The following SEL1L2 variants were observed in gnomAD, a reference collection of about 807,000 sequenced individuals.
The protein encoded by SEL1L2 is SEL1L2 adaptor subunit of SYVN1 ubiquitin ligase.
In SEL1L2, 89 loss-of-function variants were observed where a neutral mutation model predicts 98.8. That is an observed-to-expected ratio of 0.90 (90% CI 0.76 to 1.07). SEL1L2 has a LOEUF of 1.07. Among genes scored for constraint, SEL1L2 ranks in the 50% least tolerant of loss-of-function variants. The pLI, the probability that SEL1L2 is intolerant of heterozygous loss-of-function variation, is 0.00. For missense variants in SEL1L2, 788 were observed against 812.0 expected (o/e 0.97, Z 0.36); for synonymous variants, 262 against 278.5 (o/e 0.94, Z 0.59).
At chr20:13,935,963 G>A (rs192240564) in intron 2 of SEL1L2, among the ~76,000 whole-genome samples, 102 of 152,252 alleles carry the variant, frequency 6.7e-4, no homozygotes, top group African/African-American at 2.3e-3. Flanking sequence ...ATTTTCTGTT[G>A]AAGGGCTTAT....
intron 3 of SEL1L2, among the ~76,000 whole-genome samples, chr20:13,930,959 C>T (rs754514437): frequency 6.6e-6 from 1 of 151,906 alleles, no homozygotes; most frequent in African/African-American, 2.4e-5. Flanking sequence ...AGCAAGCCCT[C>T]GTCTCTACTA....
chr20:13,882,125 TAAAAA>T (rs1195105694), intron 10 of SEL1L2, among the ~76,000 whole-genome samples: 68 of 151,624 alleles, frequency 4.5e-4, no homozygotes, highest in Non-Finnish European at 2.1e-4. Context: ...AAAAAGAAAA[TAAAAA>T]GAAAAGAAAA....
intron 2 of SEL1L2, among the ~76,000 whole-genome samples, chr20:13,947,318 A>G (rs547668037): frequency 9.7e-4 from 148 of 152,084 alleles, no homozygotes; most frequent in Non-Finnish European, 4.9e-4. Flanking sequence ...CCCATTCCAT[A>G]TCTCCTCTCC....
chr20:13,886,978 C>T (rs2046984426), intron 8 of SEL1L2, among the ~76,000 whole-genome samples: 1 of 152,048 alleles, frequency 6.6e-6, no homozygotes, highest in African/African-American at 2.4e-5. Context: ...ATATCAGACT[C>T]TACTGAAGAT....
chr20:13,871,463 C>T (rs923401245), intron 12 of SEL1L2, among the ~76,000 whole-genome samples: 1 of 151,968 alleles, frequency 6.6e-6, no homozygotes, highest in African/African-American at 2.4e-5. Flanking sequence ...TCCTATCACG[C>T]ATTTCACCCT....
intron 1 of SEL1L2, among the ~76,000 whole-genome samples, chr20:13,962,361 G>A (rs2050819336): frequency 6.6e-6 from 1 of 152,116 alleles, no homozygotes; most frequent in African/African-American, 2.4e-5. Flanking sequence ...TAGTCCTTAG[G>A]CCTTGCAGCC....
intron 5 of SEL1L2, among the ~76,000 whole-genome samples, chr20:13,889,741 A>G (rs1330908149): frequency 6.6e-6 from 1 of 152,218 alleles, no homozygotes; most frequent in Non-Finnish European, 1.5e-5. Flanking sequence ...CAGTGCACCA[A>G]GATCGCGCCA....
At chr20:13,953,880 G>A (rs1321250737) in intron 2 of SEL1L2, among the ~76,000 whole-genome samples, 3 of 152,160 alleles carry the variant, frequency 2.0e-5, no homozygotes, top group Non-Finnish European at 4.4e-5. Flanking sequence ...CCATATACTT[G>A]AGTTGCTCCC....
At chr20:13,897,136 A>G (rs2047459972) in intron 5 of SEL1L2, among the ~76,000 whole-genome samples, 1 of 152,228 alleles carries the variant, frequency 6.6e-6, no homozygotes, top group African/African-American at 2.4e-5. Flanking sequence ...TTTGACAAGG[A>G]TGACAAGGCT....
chr20:13,951,294 A>AG (rs1241100200), intron 2 of SEL1L2, among the ~76,000 whole-genome samples: 3 of 103,754 alleles, frequency 2.9e-5, no homozygotes, highest in Admixed American at 1.1e-4. Flanking sequence ...AAAAAAAAAA[A>AG]AAAAAGAAAG....
At chr20:13,970,774 G>T (rs1284826050) in intron 1 of SEL1L2, among the ~76,000 whole-genome samples, 1 of 152,078 alleles carries the variant, frequency 6.6e-6, no homozygotes, top group African/African-American at 2.4e-5. Flanking sequence ...GGAGTTTGCA[G>T]TAGGCCAAGG....
At chr20:13,881,231 C>T (rs1181953009) in intron 10 of SEL1L2, among the ~76,000 whole-genome samples, 2 of 152,144 alleles carry the variant, frequency 1.3e-5, no homozygotes, top group African/African-American at 4.8e-5. Flanking sequence ...CCAAGATGGT[C>T]TCAATCTCTT....
intron 15 of SEL1L2, 109 bp downstream of exon 15, chr20:13,866,593 A>G (rs1039261007): frequency 2.9e-5 from 27 of 921,120 alleles, no homozygotes; most frequent in Middle Eastern, 2.4e-4. Context: ...AACTGGAAGA[A>G]AAGAGGTAAT....
At chr20:13,976,263 G>A (rs1056543058) in intron 1 of SEL1L2, among the ~76,000 whole-genome samples, 1 of 152,050 alleles carries the variant, frequency 6.6e-6, no homozygotes, top group Non-Finnish European at 1.5e-5. Context: ...GCCTCCCAAA[G>A]TGCTGGGATT....
intron 1 of SEL1L2, among the ~76,000 whole-genome samples, chr20:13,967,121 T>A (rs2051083419): frequency 6.6e-6 from 1 of 152,090 alleles, no homozygotes; most frequent in Admixed American, 6.5e-5. Context: ...GACCTCGTGA[T>A]CCACCCGCCT....
chr20:13,947,777 C>T (rs928504111), intron 2 of SEL1L2, among the ~76,000 whole-genome samples: 2 of 152,206 alleles, frequency 1.3e-5, no homozygotes, highest in Admixed American at 6.5e-5. Flanking sequence ...TTCATCCAGA[C>T]GCAGGTGCCC....
chr20:13,866,671 T>G (rs1374879050), intron 15 of SEL1L2, 31 bp downstream of exon 15: 4 of 1,491,916 alleles, frequency 2.7e-6, no homozygotes. Context: ...ATATGACAAG[T>G]GCTTTAAAAA....
chr20:13,900,673 C>A (rs1600673935), intron 5 of SEL1L2, among the ~76,000 whole-genome samples: 1 of 152,200 alleles, frequency 6.6e-6, no homozygotes, highest in African/African-American at 2.4e-5. Flanking sequence ...GGCCAGGACT[C>A]CCTCTCTACA....
At chr20:13,890,893 A>G (rs1473733404) in intron 5 of SEL1L2, among the ~76,000 whole-genome samples, 3 of 152,202 alleles carry the variant, frequency 2.0e-5, no homozygotes, top group South Asian at 2.1e-4. Context: ...AAGGAATTCA[A>G]TAATAGAGTT....
Sources: gnomAD v4.1 joint callset for allele counts (sites outside exome capture counted in the v4.1 genomes callset) on GRCh38, gnomAD v4.1.1 for gene constraint, MANE v1.5 for transcripts, NCBI Gene and HGNC (gene_info 2026-07-23, HGNC 2026-07-21) for gene names.